ASAP1: variants seen among roughly 807,000 people sequenced by gnomAD.
ASAP1 encodes the protein ArfGAP with SH3 domain, ankyrin repeat and PH domain 1, also known as arf-GAP with SH3 domain, ANK repeat and PH domain-containing protein 1.
A neutral mutation model predicts 145.2 loss-of-function variants in ASAP1; 43 were observed. The ratio of observed to expected loss-of-function variants is 0.30; its 90% CI spans 0.23 to 0.38. ASAP1 has a LOEUF of 0.38. Among genes scored for constraint, ASAP1 ranks in the 10% least tolerant of loss-of-function variants. ASAP1 has a pLI of 1.00. For synonymous variants in ASAP1, 546 were observed against 515.5 expected (o/e 1.06, Z -0.80); for missense variants, 1,018 against 1,355.3 (o/e 0.75, Z 3.91).
intron 3 of ASAP1, among the ~76,000 whole-genome samples, chr8:130,338,642 G>C (rs1825187332): frequency 1.3e-5 from 2 of 152,108 alleles, no homozygotes; most frequent in African/African-American, 4.8e-5. Flanking sequence ...GGGTGTGCTG[G>C]AAAATGTACA....
chr8:130,137,299 T>C (rs1198053207), intron 13 of ASAP1, among the ~76,000 whole-genome samples: 1 of 152,194 alleles, frequency 6.6e-6, no homozygotes, highest in Non-Finnish European at 1.5e-5. Flanking sequence ...CTGAATCTCA[T>C]TAAAGATGGA....
At chr8:130,288,819 T>C (rs990487010) in intron 3 of ASAP1, among the ~76,000 whole-genome samples, 7 of 152,176 alleles carry the variant, frequency 4.6e-5, no homozygotes, top group Non-Finnish European at 5.9e-5. Flanking sequence ...CAAATAACAA[T>C]GTCCAATGAT....
chr8:130,118,684 G>A lies in ASAP1; in HGVS notation c.1608-9C>T, dbSNP rs772962799. ...ATTCTTTTCGTACAGTCCTAAAACA[G>A]AACAAAATAAAGAATTTTTATTTTC... On this transcript the variant is annotated splice_polypyrimidine_tract_variant and intron_variant, in intron 18 of 29. Coordinates refer to ENST00000518721, the MANE Select transcript of ASAP1 (RefSeq NM_018482.4). 7.0e-7 allele frequency: 1 copy of A among 1,426,636 alleles called. No homozygotes were observed. Among genetic ancestry groups the A allele is most frequent in the East Asian group, 2.5e-5 (1 of 39,338 alleles). 88.4% of individuals were successfully genotyped at this position (1,426,636 alleles called of 1,614,324 possible). A position where few individuals can be genotyped will look rare whatever the true frequency, so the allele number is the denominator to read the frequency against.
chr8:130,425,047 C>T (rs569021961), intron 1 of ASAP1, among the ~76,000 whole-genome samples: 43 of 148,186 alleles, frequency 2.9e-4, no homozygotes, highest in African/African-American at 1.0e-3. Flanking sequence ...CAGTGTGGGT[C>T]AGGCCGGGCG....
chr8:130,379,761 C>T (rs770712520), intron 2 of ASAP1, among the ~76,000 whole-genome samples: 1 of 152,196 alleles, frequency 6.6e-6, no homozygotes, highest in Non-Finnish European at 1.5e-5. Flanking sequence ...AGACACTCCC[C>T]GGGCCCTACT....
intron 3 of ASAP1, among the ~76,000 whole-genome samples, chr8:130,344,244 C>T (rs1825565108): frequency 1.3e-5 from 2 of 152,104 alleles, no homozygotes; most frequent in South Asian, 4.1e-4. Flanking sequence ...TTTCAACATA[C>T]AGATCTCATA....
intron 3 of ASAP1, among the ~76,000 whole-genome samples, chr8:130,299,948 G>C (rs542419000): frequency 6.6e-6 from 1 of 152,148 alleles, no homozygotes; most frequent in Non-Finnish European, 1.5e-5. Flanking sequence ...AAACCACTAA[G>C]GGATGGAGGG....
intron 3 of ASAP1, among the ~76,000 whole-genome samples, chr8:130,261,323 A>T (rs529504282): frequency 1.3e-5 from 2 of 152,242 alleles, no homozygotes; most frequent in Non-Finnish European, 2.9e-5. Flanking sequence ...CCAGATATGT[A>T]AGCCTCCATC....
chr8:130,394,484 T>C (rs1828433288), intron 2 of ASAP1, among the ~76,000 whole-genome samples: 1 of 152,234 alleles, frequency 6.6e-6, no homozygotes, highest in African/African-American at 2.4e-5. Context: ...AAAACTTTAT[T>C]AGCAATTTTA....
At chr8:130,154,748 GAAGT>G (rs1404962965) in intron 12 of ASAP1, among the ~76,000 whole-genome samples, 4 of 152,198 alleles carry the variant, frequency 2.6e-5, no homozygotes, top group East Asian at 1.9e-4. Flanking sequence ...TTCACAGAAG[GAAGT>G]AAGAATCTGA....
At chr8:130,295,505 G>A (rs997919340) in intron 3 of ASAP1, among the ~76,000 whole-genome samples, 3 of 152,112 alleles carry the variant, frequency 2.0e-5, no homozygotes, top group Middle Eastern at 3.4e-3. Context: ...TGTAAAACAG[G>A]GATACGGGAT....
At chr8:130,396,105 A>C (rs1224689134) in intron 2 of ASAP1, among the ~76,000 whole-genome samples, 1 of 152,214 alleles carries the variant, frequency 6.6e-6, no homozygotes, top group Admixed American at 6.5e-5. Flanking sequence ...GGCAGCTTGC[A>C]CAGACCCTGG....
At chr8:130,290,655 A>G (rs1474743136) in intron 3 of ASAP1, among the ~76,000 whole-genome samples, 1 of 152,226 alleles carries the variant, frequency 6.6e-6, no homozygotes, top group Non-Finnish European at 1.5e-5. Context: ...ACATTTATAA[A>G]GCTTTTCAAA....
chr8:130,079,352 G>A (rs983411474), intron 26 of ASAP1, among the ~76,000 whole-genome samples: 3 of 151,858 alleles, frequency 2.0e-5, no homozygotes, highest in South Asian at 4.1e-4. Flanking sequence ...AAAACTGCCC[G>A]TAAGAGATCT....
chr8:130,243,912 C>T (rs955012565), intron 3 of ASAP1, among the ~76,000 whole-genome samples: 3 of 152,150 alleles, frequency 2.0e-5, no homozygotes, highest in African/African-American at 7.2e-5. Context: ...AATGTAATCT[C>T]TCAAAGAAGG....
chr8:130,161,225 GAACTTA>G (rs2097668582), intron 11 of ASAP1, among the ~76,000 whole-genome samples: 1 of 151,846 alleles, frequency 6.6e-6, no homozygotes. Context: ...CAAGGGAAAA[GAACTTA>G]AATATATCCA....
intron 3 of ASAP1, among the ~76,000 whole-genome samples, chr8:130,294,503 C>A (rs1822140196): frequency 6.6e-6 from 1 of 152,212 alleles, no homozygotes; most frequent in Non-Finnish European, 1.5e-5. Flanking sequence ...GCACAGTGAC[C>A]TTTAACTCTC....
chr8:130,291,934 G>A lies in ASAP1; in HGVS notation c.187-54940C>T, dbSNP rs542780046. Among the ~76,000 whole-genome samples the A allele has an allele frequency of 3.9e-5, 6 of 152,234 alleles. No homozygotes were observed. The South Asian group carries it at 1.0e-3, about 26-fold the overall frequency. ...CGTATTCCGTAAAAACTGCAGCTGC[G>A]CCTGATGCTTGTCTATTCACTGTGA... On this transcript the variant is annotated intron_variant, in intron 3 of 29. Coordinates refer to ENST00000518721, the MANE Select transcript of ASAP1 (RefSeq NM_018482.4).
chr8:130,311,761 C>CAAAAAA (rs201264577), intron 3 of ASAP1, among the ~76,000 whole-genome samples: 8 of 85,366 alleles, frequency 9.4e-5, no homozygotes, highest in East Asian at 3.2e-4. Flanking sequence ...AACTCCGTCT[C>CAAAAAA]AAAAAAAAAA....
Sources: gnomAD v4.1 joint callset for allele counts (sites outside exome capture counted in the v4.1 genomes callset) on GRCh38, gnomAD v4.1.1 for gene constraint, MANE v1.5 for transcripts, NCBI Gene and HGNC (gene_info 2026-07-23, HGNC 2026-07-21) for gene names.